PPP6R1: variants seen among roughly 807,000 people sequenced by gnomAD.
The protein encoded by PPP6R1 is serine/threonine-protein phosphatase 6 regulatory subunit 1.
PPP6R1 carries 39 observed loss-of-function variants against 104.6 expected under a neutral mutation model. The ratio of observed to expected loss-of-function variants is 0.37; its 90% confidence interval spans 0.29 to 0.49. The LOEUF (loss-of-function observed/expected upper bound fraction) is 0.49. Ranked by LOEUF, PPP6R1 falls within the 20% of genes least tolerant of loss-of-function variation. The pLI, the probability that PPP6R1 is intolerant of heterozygous loss-of-function variation, is 0.98. For missense variants in PPP6R1, 1,181 were observed against 1,155.8 expected (o/e 1.02, Z -0.32); for synonymous variants, 549 against 479.0 (o/e 1.15, Z -1.91).
intron 1 of PPP6R1, among the ~76,000 whole-genome samples, chr19:55,251,835 T>C (rs1308315155): frequency 1.3e-5 from 2 of 152,272 alleles, no homozygotes; most frequent in South Asian, 2.1e-4. Flanking sequence ...TGGGTGTACC[T>C]GGGACCAGAA....
Position 55,239,484 on chromosome 19 carries a change from T to C in PPP6R1, c.1672A>G (p.Met558Val). 1 of 1,613,962 alleles carries C rather than the reference T, an allele frequency of 6.2e-7. No homozygotes were observed. Residue 558 changes from methionine to valine, a missense_variant, in exon 15 of 24, where the codon ATG becomes GTG. Met to Val is a conservative substitution (Grantham distance 21). Around this residue, in one of 2 missense-constraint regions of PPP6R1, gnomAD observed 1,042 missense variants for 955.6 expected, o/e 1.09. Coordinates refer to ENST00000412770, the MANE Select transcript of PPP6R1 (RefSeq NM_014931.4). ...ATGAAGGCAGAGGTCATGCGCTGCA[T>C]CTGGAAGTCCATGAAGGCCTGTGGG... ...VLQQAFMDFQ[M>V]QRMTSAFIDH...
At chr19:55,246,736 G>A in intron 2 of PPP6R1, 141 bp downstream of exon 2, 1 of 842,172 alleles carries the variant, frequency 1.2e-6, no homozygotes, top group Non-Finnish European at 1.8e-6. Context: ...GCAGGAGCCT[G>A]GCTGCTCCCA....
intron 1 of PPP6R1, among the ~76,000 whole-genome samples, chr19:55,256,866 T>G (rs920964520): frequency 1.3e-5 from 2 of 152,196 alleles, no homozygotes; most frequent in Admixed American, 1.3e-4. Flanking sequence ...TCATGTGCCT[T>G]GCATTCTGCC....
chr19:55,236,225 GCTCAC>G, intron 17 of PPP6R1: 1 of 171,496 alleles, frequency 5.8e-6, no homozygotes, highest in Non-Finnish European at 1.2e-5. Flanking sequence ...TATGATCTCG[GCTCAC>G]TGCAACCTCT....
intron 1 of PPP6R1, among the ~76,000 whole-genome samples, 169 bp downstream of exon 1, chr19:55,258,266 G>A (rs971645756): frequency 5.9e-5 from 9 of 152,188 alleles, no homozygotes; most frequent in Non-Finnish European, 1.0e-4. Flanking sequence ...GGTCGAGGGG[G>A]AAGAAACGGG....
chr19:55,240,428 T>A, intron 10 of PPP6R1, 128 bp from the exon 11 acceptor site: 1 of 939,832 alleles, frequency 1.1e-6, no homozygotes, highest in Non-Finnish European at 1.6e-6. Flanking sequence ...GAGACGGGGA[T>A]GGGAAGGAGG....
In PPP6R1 at chr19:55,242,466, G is replaced by A; in HGVS notation, c.641C>T (p.Ser214Phe). Residue 214 changes from serine (S) to phenylalanine (F), a missense_variant, in exon 6 of 24, where the codon TCC becomes TTC. Physicochemically the swap from Ser to Phe is radical, Grantham distance 155. Transcript: ENST00000412770. Reference sequence around the variant, plus strand: ...GCTCAGGCGGATGATGTCACACAGGGACTGGGATGCGTTGGAATGTTGCTG... The same window carrying A: ...GCTCAGGCGGATGATGTCACACAGGAACTGGGATGCGTTGGAATGTTGCTG... ...DENQHSNASQ[S>F]LCDIIRLSRE... is the part of the protein sequence containing the mutation. 6.2e-7 allele frequency: 1 copy of A among 1,613,904 alleles called. No homozygotes were observed. The highest frequency in any genetic ancestry group is 8.5e-7 in the Non-Finnish European group (1 of 1,179,790).
In PPP6R1 at chr19:55,230,831, G is replaced by C. The variant is rs372998576; in HGVS notation, c.2513C>G (p.Pro838Arg). 708 of 1,606,494 alleles carry C rather than the reference G, an allele frequency of 4.4e-4. 3 individuals are homozygous for C. Among genetic ancestry groups the C allele is most frequent in the South Asian group, 2.1e-3 (192 of 90,976 alleles). The change falls in exon 22 of 24, where the codon CCC becomes CGC. Residue 838 changes from proline to arginine, a missense_variant. By Grantham distance (103) the Pro-to-Arg change is moderately radical. This residue lies in a region of PPP6R1 where 1,042 missense variants were observed against 955.6 expected (regional missense o/e 1.09). Coordinates refer to ENST00000412770, the MANE Select transcript of PPP6R1 (RefSeq NM_014931.4). ...GCTCTTCTCCCCTTCTGTGGTCTGGGGGGGCTGGTGGGCCCCGGAGGCTGG... is the reference window on the plus strand; with the variant it reads ...GCTCTTCTCCCCTTCTGTGGTCTGGCGGGGCTGGTGGGCCCCGGAGGCTGG... The part of the protein sequence containing the change: ...SVPASGAHQP[P>R]QTTEGEKSPE...
chr19:55,247,501 G>C (rs2093985150), intron 1 of PPP6R1: 1 of 192,532 alleles, frequency 5.2e-6, no homozygotes, highest in African/African-American at 2.3e-5. Context: ...AGGGGCCTCG[G>C]GCCCTGTCTC....
intron 1 of PPP6R1, among the ~76,000 whole-genome samples, chr19:55,250,156 C>A (rs954708854): frequency 6.6e-6 from 1 of 152,196 alleles, no homozygotes; most frequent in Non-Finnish European, 1.5e-5. Flanking sequence ...TCGATGGTAT[C>A]AGCCACTGCG....
rs926841905 is a variant in PPP6R1, at chr19:55,245,017, C to T, written c.618+103G>A. The T allele has an allele frequency of 3.3e-5, 49 of 1,495,958 alleles. No individual in the cohort carries two copies. Among genetic ancestry groups the T allele is most frequent in the South Asian group, 1.1e-4 (9 of 82,494 alleles). The allele number at this position is 1,495,958 out of a possible 1,614,324, so 92.7% of individuals were successfully genotyped here. ...CCTCCCAAAGTGCTGGAATTACAGG[C>T]GTGAGCCACTGCGTCCAGCCCCAAT... On this transcript the variant is annotated intron_variant, in intron 5 of 23. Coordinates refer to ENST00000412770, the MANE Select transcript of PPP6R1 (RefSeq NM_014931.4). This position sits in a 1 kb window ranked among gnomAD's most constrained non-coding sequence, Gnocchi z 6.4.
intron 21 of PPP6R1, 59 bp downstream of exon 21, chr19:55,231,351 C>G (rs770158087): frequency 8.6e-6 from 13 of 1,507,610 alleles, no homozygotes; most frequent in Non-Finnish European, 1.1e-5. Context: ...CAGAGCCCAC[C>G]TCAGCGAAGA....
chr19:55,244,416 G>A (rs1420983887), intron 5 of PPP6R1, among the ~76,000 whole-genome samples: 1 of 152,242 alleles, frequency 6.6e-6, no homozygotes, highest in Non-Finnish European at 1.5e-5. Flanking sequence ...GAGGATGTGA[G>A]GGCGCTTGAA....
rs374809433 is a variant in PPP6R1 at position 55,231,588 on chromosome 19, C to T, written c.2377+10G>A. 1.3e-4 allele frequency: 207 copies of T among 1,608,522 alleles called. 1 individual carries two copies. The highest frequency in any genetic ancestry group is 1.6e-4 in the Non-Finnish European group (189 of 1,177,638). On this transcript the variant is annotated intron_variant, in intron 20 of 23. Transcript: ENST00000412770. The stretch of plus-strand genomic sequence containing the variant: ...AGGGCCGCGGGTGGGCAGGGCAAAG[C>T]GGGGCTCACCTGAGGGCTCCGTGAC...
chr19:55,231,500 G>A lies in PPP6R1; in HGVS notation c.2378-9C>T, dbSNP rs766848213. 1.2e-6 allele frequency: 2 copies of A among 1,604,092 alleles called. No homozygotes were observed. Among genetic ancestry groups the A allele is most frequent in the Non-Finnish European group, 1.7e-6 (2 of 1,175,062 alleles). ...CAAGGCCTGGCAAGGGGCTGTGGGG[G>A]ATAAGAGATCTCAGCTGCAGCTCCC... is the stretch of plus-strand genomic sequence containing the variant. On this transcript the variant is annotated splice_polypyrimidine_tract_variant and intron_variant, in intron 20 of 23. Transcript: ENST00000412770.
rs538606169 is a variant in PPP6R1, at chr19:55,245,960, A to G, written c.228-282T>C. 2.0e-5 allele frequency among the ~76,000 whole-genome samples: 3 copies of G among 152,004 alleles called. No individual in the cohort carries two copies. The highest frequency in any genetic ancestry group is 4.2e-4 in the South Asian group (2 of 4,788). On this transcript the variant is annotated intron_variant, in intron 2 of 23. Coordinates refer to ENST00000412770, the MANE Select transcript of PPP6R1 (RefSeq NM_014931.4). This position sits in a 1 kb window ranked among gnomAD's most constrained non-coding sequence, Gnocchi z 6.4. ...TGCGCTTCCCAATCCCCCAGCAGCTAACACTCATCCCTTTTGCCTCTCAGC... is the reference window on the plus strand; with the variant it reads ...TGCGCTTCCCAATCCCCCAGCAGCTGACACTCATCCCTTTTGCCTCTCAGC...
chr19:55,238,988 T>C (rs2087423964), intron 15 of PPP6R1: 1 of 188,630 alleles, frequency 5.3e-6, no homozygotes, highest in Non-Finnish European at 1.1e-5. Context: ...CCCCCATGTC[T>C]GGCAGACTCC....
Position 55,242,305 on chromosome 19 carries a change from G to C in PPP6R1, c.732-26C>G, listed in dbSNP as rs200513800. The C allele has an allele frequency of 7.4e-6, 12 of 1,613,434 alleles. No individual in the cohort carries two copies. The Admixed American group carries it at 2.0e-4, about 27-fold the overall frequency. ...CTGCGGGGGCAGGGGCAGGGGTCAG[G>C]GTGAGGGGCCAGGGGCCCAGGGCTT... On this transcript the variant is annotated intron_variant, in intron 6 of 23. Coordinates refer to ENST00000412770, the MANE Select transcript of PPP6R1 (RefSeq NM_014931.4).
At chr19:55,233,849 C>T (rs2087371247) in intron 17 of PPP6R1, among the ~76,000 whole-genome samples, 1 of 152,218 alleles carries the variant, frequency 6.6e-6, no homozygotes, top group Non-Finnish European at 1.5e-5. Context: ...TTGAAATTGA[C>T]AAGCTGATCC....
Sources: gnomAD v4.1 joint callset for allele counts (sites outside exome capture counted in the v4.1 genomes callset) on GRCh38, gnomAD v4.1.1 for gene constraint, gnomAD v4.1.1 regional missense constraint, Gnocchi (gnomAD v3.1) non-coding constraint, MANE v1.5 for transcripts, NCBI Gene and HGNC (gene_info 2026-07-23, HGNC 2026-07-21) for gene names.